STXBP3: variants seen among roughly 807,000 people sequenced by gnomAD.
STXBP3 encodes the protein syntaxin binding protein 3.
Under a neutral mutation model 85.7 loss-of-function variants are expected in STXBP3, and 41 were observed. The observed-to-expected ratio is 0.48, with a 90% confidence interval of 0.37 to 0.62. The LOEUF is 0.62. Ranked by LOEUF, STXBP3 falls within the 20% of genes least tolerant of loss-of-function variation. The pLI is 0.00. For synonymous variants in STXBP3, 229 were observed against 231.7 expected, an observed-to-expected ratio of 0.99 and a Z score of 0.10; for missense variants, 563 against 703.1, an observed-to-expected ratio of 0.80 and a Z score of 2.25.
Position 108,798,177 on chromosome 1 carries a change from G to T in STXBP3, c.1389G>T (p.Arg463=). Residue 463 remains arginine, a synonymous_variant, in exon 16 of 19, where the codon CGG becomes CGT. Transcript: ENST00000370008. ...AAGGCAAACCGTTAAGAAAGGATCG[G>T]TCTGCAGAAGAAACTTTTCAGCTCT... ...SQQGKPLRKD[R]SAEETFQLSR... is the part of the protein sequence containing the mutation. 1.2e-6 allele frequency: 2 copies of T among 1,611,042 alleles called. No individual in the cohort carries two copies. The highest frequency in any genetic ancestry group is 1.7e-6 in the Non-Finnish European group (2 of 1,179,160).
chr1:108,804,617 C>T (rs1279536086), intron 17 of STXBP3, among the ~76,000 whole-genome samples: 2 of 152,240 alleles, frequency 1.3e-5, no homozygotes, highest in African/African-American at 4.8e-5. Flanking sequence ...CGCATCCCTT[C>T]AGGCAGGTTT....
intron 6 of STXBP3, among the ~76,000 whole-genome samples, chr1:108,771,469 GAT>G (rs1207126816): frequency 1.3e-5 from 1 of 77,858 alleles, no homozygotes; most frequent in African/African-American, 5.9e-5. Flanking sequence ...AAATATATAT[GAT>G]ATATATCTAT....
intron 3 of STXBP3, among the ~76,000 whole-genome samples, chr1:108,755,580 G>A (rs924137154): frequency 2.0e-5 from 3 of 151,828 alleles, no homozygotes; most frequent in African/African-American, 7.3e-5. Context: ...GGCACTTTCT[G>A]TTATTAATAA....
intron 9 of STXBP3, chr1:108,781,855 T>G (rs1662719437): frequency 6.6e-6 from 1 of 152,314 alleles, no homozygotes; most frequent in African/African-American, 2.4e-5. Context: ...ATTACAGGTG[T>G]GTGTCACCAC....
At chr1:108,780,006 T>G (rs1046967925) in intron 9 of STXBP3, 3 of 152,198 alleles carry the variant, frequency 2.0e-5, no homozygotes, top group Non-Finnish European at 1.5e-5. Context: ...TGTATCTCTG[T>G]ATCATTTATG....
At position 108,782,574 on chromosome 1, in the gene STXBP3, C is replaced by A. The variant is rs944071623; in HGVS notation, c.905+57C>A. The A allele has an allele frequency of 1.4e-5, 23 of 1,597,922 alleles. No individual in the cohort carries two copies. In the East Asian group the frequency reaches 4.5e-4, roughly 31 times the overall value. Reference sequence around the variant, plus strand: ...AATTTTTAGACACTATGTGATAGTACATTTTGTAACCTTAAAATAGTTCTG... The same window carrying A: ...AATTTTTAGACACTATGTGATAGTAAATTTTGTAACCTTAAAATAGTTCTG... On this transcript the variant is annotated intron_variant, in intron 10 of 18. Coordinates refer to ENST00000370008, the MANE Select transcript of STXBP3 (RefSeq NM_007269.4).
chr1:108,767,945 G>C (rs1375672176), intron 6 of STXBP3, among the ~76,000 whole-genome samples: 1 of 152,062 alleles, frequency 6.6e-6, no homozygotes, highest in Non-Finnish European at 1.5e-5. Context: ...AATAATTTTC[G>C]TTTTTATCTC....
Position 108,793,444 on chromosome 1 carries a change from ATTC to A in STXBP3, c.964-132_964-130del, listed in dbSNP as rs372940705. On this transcript the variant is annotated intron_variant, in intron 11 of 18. Transcript: ENST00000370008. ...GTGAGTGAAACTGGAAGCCTCCTAA[ATTC>A]TTCTTTCAAAAAAATTGTCAAATAT... The A allele has an allele frequency of 6.3e-6, 4 of 632,330 alleles. No individual in the cohort carries two copies. In the East Asian group the frequency reaches 9.4e-5, roughly 15 times the overall value. 39.2% of individuals were successfully genotyped at this position (632,330 alleles called of 1,614,324 possible).
chr1:108,808,565 A>G (rs1181345842), intron 18 of STXBP3, among the ~76,000 whole-genome samples: 1 of 152,218 alleles, frequency 6.6e-6, no homozygotes, highest in South Asian at 2.1e-4. Context: ...AGCACTAGGA[A>G]TGGCCGCTGT....
chr1:108,782,773 AT>A, intron 11 of STXBP3, 67 bp downstream of exon 11: 1 of 1,407,010 alleles, frequency 7.1e-7, no homozygotes, highest in Non-Finnish European at 9.7e-7. Context: ...TAAAATCTTT[AT>A]TTTATTTCTG....
At chr1:108,805,193 C>G (rs1358711603) in intron 17 of STXBP3, among the ~76,000 whole-genome samples, 1 of 152,090 alleles carries the variant, frequency 6.6e-6, no homozygotes, top group African/African-American at 2.4e-5. Flanking sequence ...GTGTTGTCTC[C>G]TTTTCTTTTG....
rs550093387 is a variant in STXBP3, at chr1:108,774,053, C to G, written c.593+1234C>G. ...TTCCCTAGAGATGACTACCATCTGA[C>G]TTTTAACACATAGTTAAATTTTGCT... On this transcript the variant is annotated intron_variant, in intron 7 of 18. Coordinates refer to ENST00000370008, the MANE Select transcript of STXBP3 (RefSeq NM_007269.4). Among the ~76,000 whole-genome samples the G allele has an allele frequency of 3.9e-5, 6 of 152,258 alleles. No homozygotes were observed. The East Asian group carries it at 9.6e-4, about 24-fold the overall frequency.
At chr1:108,797,714 A>G (rs1242631072) in intron 15 of STXBP3, among the ~76,000 whole-genome samples, 2 of 150,052 alleles carry the variant, frequency 1.3e-5, no homozygotes, top group African/African-American at 2.5e-5. Flanking sequence ...GGCCCCATCA[A>G]GTTTTTTTGT....
At chr1:108,773,218 T>C (rs1259956194) in intron 7 of STXBP3, among the ~76,000 whole-genome samples, 6 of 152,190 alleles carry the variant, frequency 3.9e-5, no homozygotes, top group Non-Finnish European at 8.8e-5. Flanking sequence ...CTATTCTAAA[T>C]AAATTTTGGG....
chr1:108,763,081 C>G (rs1488359276), intron 6 of STXBP3, among the ~76,000 whole-genome samples: 1 of 152,182 alleles, frequency 6.6e-6, no homozygotes, highest in Non-Finnish European at 1.5e-5. Flanking sequence ...GCACAAGGCA[C>G]AGAATCCTGT....
chr1:108,806,160 T>C (rs951362810), intron 17 of STXBP3, among the ~76,000 whole-genome samples: 1 of 151,398 alleles, frequency 6.6e-6, no homozygotes, highest in African/African-American at 2.4e-5. Flanking sequence ...CCAGTGGAGC[T>C]TGTGAACAAA....
intron 7 of STXBP3, among the ~76,000 whole-genome samples, 177 bp downstream of exon 7, chr1:108,772,996 G>T (rs1662502170): frequency 6.6e-6 from 1 of 152,120 alleles, no homozygotes. Context: ...CTAGCAAATA[G>T]CTTCTGTTAC....
Position 108,775,816 on chromosome 1 carries a change from A to G in STXBP3, c.594-517A>G, listed in dbSNP as rs143185993. On this transcript the variant is annotated intron_variant, in intron 7 of 18. Transcript: ENST00000370008. Reference sequence around the variant, plus strand: ...GAATGACTCATATGTCCATCTTTAGAGGAATCGATACATAGAATCCAATAT... The same window carrying G: ...GAATGACTCATATGTCCATCTTTAGGGGAATCGATACATAGAATCCAATAT... Among the ~76,000 whole-genome samples, 3 of 152,234 alleles carry G rather than the reference A, an allele frequency of 2.0e-5. No individual in the cohort carries two copies. In the East Asian group the frequency reaches 5.8e-4, roughly 29 times the overall value.
intron 8 of STXBP3, 115 bp from the exon 9 acceptor site, chr1:108,779,171 G>T: frequency 1.8e-6 from 2 of 1,082,818 alleles, no homozygotes; most frequent in African/African-American, 1.6e-5. Context: ...GTATGTTTTT[G>T]GTGGGGAAAA....
Sources: allele counts gnomAD v4.1 joint callset (sites outside exome capture counted in the v4.1 genomes callset), GRCh38; gene constraint gnomAD v4.1.1; transcripts MANE v1.5; gene names NCBI Gene and HGNC (gene_info 2026-07-23, HGNC 2026-07-21).